Variants in IL1R1 observed in about 807,000 individuals in gnomAD.
The protein encoded by IL1R1 is interleukin-1 receptor type 1.
A neutral mutation model predicts 50.2 loss-of-function variants in IL1R1; 22 were observed. That is an observed-to-expected ratio of 0.44 (90% CI 0.31 to 0.63). The LOEUF (loss-of-function observed/expected upper bound fraction) is 0.63. Among genes scored for constraint, IL1R1 ranks in the 20% least tolerant of loss-of-function variants. The pLI is 0.07. For missense variants in IL1R1, 509 were observed against 676.2 expected (o/e 0.75, Z 2.74); for synonymous variants, 251 against 236.7 (o/e 1.06, Z -0.55).
intron 7 of IL1R1, among the ~76,000 whole-genome samples, chr2:102,171,396 G>A (rs1344078383): frequency 6.6e-6 from 1 of 152,034 alleles, no homozygotes; most frequent in East Asian, 1.9e-4. Flanking sequence ...GTACAAATAA[G>A]GCTATTCATT....
intron 1 of IL1R1, among the ~76,000 whole-genome samples, chr2:102,086,135 C>T (rs1382926455): frequency 6.6e-6 from 1 of 152,158 alleles, no homozygotes; most frequent in Non-Finnish European, 1.5e-5. Flanking sequence ...TCTGTACATG[C>T]TTGTGAATAT....
intron 1 of IL1R1, among the ~76,000 whole-genome samples, chr2:102,151,232 CTT>C (rs1321244917): frequency 6.6e-6 from 1 of 152,138 alleles, no homozygotes; most frequent in Non-Finnish European, 1.5e-5. Flanking sequence ...GGTGTGAACT[CTT>C]TATCTAACTC....
upstream of IL1R1, among the ~76,000 whole-genome samples, chr2:102,138,287 T>C (rs571965277): frequency 1.4e-4 from 21 of 152,342 alleles, no homozygotes; most frequent in Admixed American, 1.2e-3. Flanking sequence ...TGCTGTGCTA[T>C]ATCTATTAAC....
rs1312994054 is a variant in IL1R1 at position 102,178,985 on chromosome 2, C to T, written c.*2226C>T. ...ATTGAGTTTAAGTCTCTGACTCTTGCCTTTCCACCTGCTTTCTCCTGGGCC... is the reference window on the plus strand; with the variant it reads ...ATTGAGTTTAAGTCTCTGACTCTTGTCTTTCCACCTGCTTTCTCCTGGGCC... On this transcript the variant is annotated 3_prime_UTR_variant, in exon 12 of 12. Transcript: ENST00000410023. The T allele has an allele frequency of 6.6e-6, 1 of 152,254 alleles. No individual in the cohort carries two copies. Among genetic ancestry groups the T allele is most frequent in the Admixed American group, 6.6e-5 (1 of 15,264 alleles). 9.4% of individuals were successfully genotyped at this position (152,254 alleles called of 1,614,324 possible). A position where few individuals can be genotyped will look rare whatever the true frequency, so the allele number is the denominator to read the frequency against.
chr2:102,162,773 T>C (rs981469391), intron 3 of IL1R1, among the ~76,000 whole-genome samples: 1 of 152,188 alleles, frequency 6.6e-6, no homozygotes, highest in African/African-American at 2.4e-5. Context: ...CATTTTATTA[T>C]TTTTTATTTA....
chr2:102,127,227 G>T (rs1259812242), intron 1 of IL1R1, among the ~76,000 whole-genome samples: 3 of 152,200 alleles, frequency 2.0e-5, no homozygotes, highest in African/African-American at 7.2e-5. Context: ...TCCAGGACAG[G>T]TTGTCCTAAA....
chr2:102,114,539 C>T lies in IL1R1; in HGVS notation c.-84+9667C>T, dbSNP rs1422219951. 5.9e-5 allele frequency among the ~76,000 whole-genome samples: 9 copies of T among 152,130 alleles called. No individual in the cohort carries two copies. The East Asian group carries it at 9.6e-4, about 16-fold the overall frequency. On this transcript the variant is annotated intron_variant, in intron 1 of 10. Coordinates refer to the IL1R1 transcript ENST00000409329. Reference sequence around the variant, plus strand: ...TTTCCCTCAAGGTTTAAGCATTTCTCGAGATTAACGTAGTGGGTTTCTGGG... The same window carrying T: ...TTTCCCTCAAGGTTTAAGCATTTCTTGAGATTAACGTAGTGGGTTTCTGGG...
chr2:102,106,901 G>C (rs1680444819), intron 1 of IL1R1, among the ~76,000 whole-genome samples: 1 of 152,108 alleles, frequency 6.6e-6, no homozygotes, highest in South Asian at 2.1e-4. Context: ...CTACAACTAT[G>C]TTCTTCTCTT....
intron 3 of IL1R1, among the ~76,000 whole-genome samples, chr2:102,161,337 G>GTAA (rs1684710227): frequency 6.6e-6 from 1 of 152,110 alleles, no homozygotes; most frequent in East Asian, 1.9e-4. Context: ...CTGAGTCTTG[G>GTAA]GTTATGGGGA....
intron 1 of IL1R1, among the ~76,000 whole-genome samples, chr2:102,132,020 A>G (rs532189840): frequency 2.0e-5 from 3 of 152,278 alleles, no homozygotes; most frequent in Non-Finnish European, 2.9e-5. Context: ...AATGCAAGCT[A>G]GAAGAGTTTG....
intron 1 of IL1R1, among the ~76,000 whole-genome samples, chr2:102,083,072 C>T (rs149776307): frequency 3.3e-5 from 5 of 152,110 alleles, no homozygotes; most frequent in East Asian, 1.9e-4. Context: ...AGGGCTGGCA[C>T]GTGACTTTGC....
At chr2:102,126,793 G>A (rs963635473) in intron 1 of IL1R1, among the ~76,000 whole-genome samples, 1 of 152,162 alleles carries the variant, frequency 6.6e-6, no homozygotes, top group African/African-American at 2.4e-5. Flanking sequence ...GCTCTAGAAT[G>A]TCCAAGAGGC....
intron 1 of IL1R1, among the ~76,000 whole-genome samples, chr2:102,074,965 AATAT>A (rs1241450022): frequency 6.6e-6 from 1 of 152,124 alleles, no homozygotes; most frequent in African/African-American, 2.4e-5. Context: ...TAACTCATTG[AATAT>A]ATATTTTCAT....
intron 1 of IL1R1, among the ~76,000 whole-genome samples, chr2:102,082,979 G>A (rs1230609937): frequency 6.6e-6 from 1 of 152,138 alleles, no homozygotes; most frequent in Non-Finnish European, 1.5e-5. Flanking sequence ...TTTTATGAAC[G>A]AACAGGAACA....
At chr2:102,144,026 G>A (rs1218949299) in intron 1 of IL1R1, among the ~76,000 whole-genome samples, 5 of 152,192 alleles carry the variant, frequency 3.3e-5, no homozygotes, top group Admixed American at 6.5e-5. Flanking sequence ...AGAACTCCAT[G>A]ACTATTGATG....
chr2:102,168,710 T>TTTAAA, intron 7 of IL1R1, 47 bp downstream of exon 7: 1 of 1,241,120 alleles, frequency 8.1e-7, no homozygotes, highest in East Asian at 2.3e-5. Flanking sequence ...TTTTTTTTTT[T>TTTAAA]AAAACATAAG....
intron 1 of IL1R1, among the ~76,000 whole-genome samples, chr2:102,099,110 CATTGTGATAGAGTAAAAGAGAAG>C (rs1680026143): frequency 6.6e-6 from 1 of 152,088 alleles, no homozygotes; most frequent in Non-Finnish European, 1.5e-5. Context: ...TACATCGAGG[CATTGTGATAGAGTAAAAGAGAAG>C]AAAAAGGAGT....
intron 1 of IL1R1, among the ~76,000 whole-genome samples, chr2:102,150,948 T>C (rs1478931669): frequency 6.6e-6 from 1 of 152,250 alleles, no homozygotes; most frequent in Non-Finnish European, 1.5e-5. Flanking sequence ...TCTTGTTTTA[T>C]TTTATGTGGA....
chr2:102,153,712 G>A (rs993903115), intron 1 of IL1R1, among the ~76,000 whole-genome samples: 3 of 152,180 alleles, frequency 2.0e-5, no homozygotes, highest in African/African-American at 7.2e-5. Context: ...TGTCATGTAA[G>A]ACGTGCCTAC....
Sources: gnomAD v4.1 joint callset for allele counts (sites outside exome capture counted in the v4.1 genomes callset) on GRCh38, gnomAD v4.1.1 for gene constraint, MANE v1.5 for transcripts, NCBI Gene and HGNC (gene_info 2026-07-23, HGNC 2026-07-21) for gene names.